CRADD: variants seen among roughly 807,000 people sequenced by gnomAD.
The protein encoded by CRADD is CARD and death domain containing adaptor protein, also known as death domain-containing protein CRADD.
A neutral mutation model predicts 15.5 loss-of-function variants in CRADD; 9 were observed. That is an observed-to-expected ratio of 0.58 (90% CI 0.35 to 1.01). The LOEUF is 1.01. Ranked by LOEUF, CRADD falls within the 50% of genes least tolerant of loss-of-function variation. The probability of loss-of-function intolerance (pLI) is 0.02; values close to 1 mark genes in which losing one functional copy is unlikely to be tolerated. For missense variants in CRADD, 227 were observed against 250.3 expected (o/e 0.91, Z 0.63); for synonymous variants, 118 against 107.6 (o/e 1.10, Z -0.60).
At chr12:93,761,913 A>G (rs1956970034) in intron 2 of CRADD, among the ~76,000 whole-genome samples, 1 of 152,186 alleles carries the variant, frequency 6.6e-6, no homozygotes, top group Non-Finnish European at 1.5e-5. Flanking sequence ...ATAAAGGAGG[A>G]TGAATACGGC....
intron 2 of CRADD, among the ~76,000 whole-genome samples, chr12:93,857,301 C>G (rs541347771): frequency 6.7e-4 from 102 of 152,306 alleles, no homozygotes; most frequent in Middle Eastern, 6.8e-3. Flanking sequence ...AGTTACTAGT[C>G]TTTCTTCTGG....
rs577508094 is a variant in CRADD, at chr12:93,712,396, C to T, written c.298+33324C>T. The stretch of plus-strand genomic sequence containing the variant: ...CAGCATTTACATATCTTTTTTACAG[C>T]TCATCCGTATTCCTAGTGTGTTGTC... On this transcript the variant is annotated intron_variant, in intron 2 of 2. Coordinates refer to ENST00000332896, the MANE Select transcript of CRADD (RefSeq NM_003805.5). Among the ~76,000 whole-genome samples the T allele has an allele frequency of 6.6e-5, 10 of 152,300 alleles. No homozygotes were observed. The South Asian group carries it at 2.1e-3, about 32-fold the overall frequency.
At chr12:93,714,764 T>A (rs1340934639) in intron 2 of CRADD, 1 of 152,250 alleles carries the variant, frequency 6.6e-6, no homozygotes, top group Non-Finnish European at 1.5e-5. Flanking sequence ...TCTGTCACTT[T>A]TTCTTGGGAA....
At chr12:93,894,230 G>A in exon 3 of CRADD, 1 of 622,816 alleles carries the variant, frequency 1.6e-6, no homozygotes, top group Non-Finnish European at 3.0e-6. Context: ...ACAATGTCTG[G>A]AGGCGTTTTT....
intron 2 of CRADD, among the ~76,000 whole-genome samples, chr12:93,863,596 T>TTGTGTGTGTGTGTGTGTGTGTG (rs1157061528): frequency 3.2e-5 from 4 of 124,774 alleles, no homozygotes; most frequent in African/African-American, 9.2e-5. Flanking sequence ...GTGGAGGCAT[T>TTGTGTGTGTGTGTGTGTGTGTG]TGTGTGTGTG....
intron 2 of CRADD, among the ~76,000 whole-genome samples, chr12:93,857,026 G>A (rs1156330436): frequency 6.6e-6 from 1 of 152,058 alleles, no homozygotes; most frequent in Non-Finnish European, 1.5e-5. Flanking sequence ...AGTTCAGTGA[G>A]CCAATTAAGC....
At chr12:93,703,956 C>T (rs549570731) in intron 2 of CRADD, among the ~76,000 whole-genome samples, 66 of 148,698 alleles carry the variant, frequency 4.4e-4, no homozygotes, top group Non-Finnish European at 7.7e-4. Context: ...GCTCACTTAC[C>T]GTCAAATTAT....
At chr12:93,875,066 C>T (rs911789400) in intron 2 of CRADD, among the ~76,000 whole-genome samples, 1 of 152,000 alleles carries the variant, frequency 6.6e-6, no homozygotes, top group African/African-American at 2.4e-5. Context: ...CTCCCTTCAG[C>T]TCTAATATTT....
At chr12:93,723,236 T>C (rs1956296145) in intron 2 of CRADD, among the ~76,000 whole-genome samples, 1 of 152,244 alleles carries the variant, frequency 6.6e-6, no homozygotes. Flanking sequence ...ACTGAAACGT[T>C]AGCCACAAGA....
intron 2 of CRADD, among the ~76,000 whole-genome samples, chr12:93,748,018 T>C (rs534879372): frequency 1.2e-4 from 19 of 152,292 alleles, no homozygotes; most frequent in Admixed American, 6.5e-5. Flanking sequence ...TGAAATACTT[T>C]ATGTAATATT....
intron 2 of CRADD, among the ~76,000 whole-genome samples, chr12:93,890,294 TGTGCTCAGCATTGA>T (rs1958567363): frequency 6.6e-6 from 1 of 152,210 alleles, no homozygotes; most frequent in Non-Finnish European, 1.5e-5. Flanking sequence ...TATTGAGCAC[TGTGCTCAGCATTGA>T]GTATATTCTC....
In CRADD at chr12:93,850,034, C is replaced by T. The variant is rs1291563843; in HGVS notation, c.363C>T (p.Asn121=). The T allele has an allele frequency of 1.2e-6, 2 of 1,610,734 alleles. No individual in the cohort carries two copies. The highest frequency in any genetic ancestry group is 1.7e-6 in the Non-Finnish European group (2 of 1,176,956). ...LNSSPSDRQI[N]QLAQRLGPEW... ...GCTCCCCATCAGACCGGCAGATTAA[C>T]CAGCTGGCCCAGAGGCTGGGCCCTG... Residue 121 remains asparagine (N), a synonymous_variant, in exon 3 of 3, where the codon AAC becomes AAT. Coordinates refer to ENST00000332896, the MANE Select transcript of CRADD (RefSeq NM_003805.5). This position sits in a 1 kb window ranked among gnomAD's most constrained non-coding sequence, Gnocchi z 4.0.
At position 93,871,424 on chromosome 12, in the gene CRADD, TTTAAG is replaced by T. The variant is rs149451727; in HGVS notation, c.299-22622_299-22618del. On this transcript the variant is annotated intron_variant, in intron 2 of 2. Transcript: ENST00000548483. Reference sequence around the variant, plus strand: ...TGAGTTACAAACAATCTGATTATTCTTTAAGTTATTTAAAAATATACAATTAAGTT... The same window carrying T: ...TGAGTTACAAACAATCTGATTATTCTTTATTTAAAAATATACAATTAAGTT... Among the ~76,000 whole-genome samples, 1,304 of 152,336 alleles carry T rather than the reference TTTAAG, an allele frequency of 8.6e-3. 24 individuals are homozygous for T. The highest frequency in any genetic ancestry group is 0.029 in the African/African-American group (1,204 of 41,578).
At chr12:93,713,012 C>T (rs942005647) in intron 2 of CRADD, among the ~76,000 whole-genome samples, 1 of 151,978 alleles carries the variant, frequency 6.6e-6, no homozygotes, top group Non-Finnish European at 1.5e-5. Context: ...TAGAGCTGCT[C>T]AAATTCAAGC....
At chr12:93,711,095 T>G (rs1298829647) in intron 2 of CRADD, among the ~76,000 whole-genome samples, 1 of 145,616 alleles carries the variant, frequency 6.9e-6, no homozygotes, top group Non-Finnish European at 1.5e-5. Context: ...CCATTCATAT[T>G]GTGTTGTACA....
intron 2 of CRADD, chr12:93,738,560 G>A: frequency 1.5e-6 from 1 of 686,376 alleles, no homozygotes; most frequent in Non-Finnish European, 2.7e-6. Flanking sequence ...CCTCACACCT[G>A]CCTCACCCCG....
chr12:93,861,494 A>G (rs1958319185), intron 2 of CRADD, among the ~76,000 whole-genome samples: 1 of 152,188 alleles, frequency 6.6e-6, no homozygotes, highest in Non-Finnish European at 1.5e-5. Context: ...CTCTTCAAGT[A>G]TTGCCTCTGC....
chr12:93,714,469 A>G (rs1009482387), intron 2 of CRADD: 7 of 152,238 alleles, frequency 4.6e-5, no homozygotes, highest in African/African-American at 1.7e-4. Context: ...ATCCCAGGGA[A>G]TCTGGTGAAC....
intron 2 of CRADD, among the ~76,000 whole-genome samples, chr12:93,863,598 G>T (rs199875920): frequency 9.9e-6 from 1 of 101,010 alleles, no homozygotes; most frequent in Non-Finnish European, 2.0e-5. Context: ...GGAGGCATTT[G>T]TGTGTGTGTG....
Sources: allele counts gnomAD v4.1 joint callset (sites outside exome capture counted in the v4.1 genomes callset), GRCh38; gene constraint gnomAD v4.1.1; non-coding constraint Gnocchi (gnomAD v3.1); transcripts MANE v1.5; gene names NCBI Gene and HGNC (gene_info 2026-07-23, HGNC 2026-07-21).